Variants in PRDM16 observed in about 807,000 individuals in gnomAD.
PRDM16 encodes PR/SET domain 16, also known as histone-lysine N-methyltransferase PRDM16.
Under a neutral mutation model 110.6 loss-of-function variants are expected in PRDM16, and 23 were observed. The ratio of observed to expected loss-of-function variants is 0.21; its 90% CI spans 0.15 to 0.29. The LOEUF is 0.29. Among genes scored for constraint, PRDM16 ranks in the 10% least tolerant of loss-of-function variants. PRDM16 has a pLI of 1.00. For synonymous variants in PRDM16, 799 were observed against 781.8 expected, an observed-to-expected ratio of 1.02 and a Z score of -0.37; for missense variants, 1,615 against 1,794.3, an observed-to-expected ratio of 0.90 and a Z score of 1.81.
At chr1:3,269,164 A>T (rs1366605075) in intron 3 of PRDM16, among the ~76,000 whole-genome samples, 1 of 152,268 alleles carries the variant, frequency 6.6e-6, no homozygotes, top group Non-Finnish European at 1.5e-5. Context: ...TGGGCTTCTC[A>T]GGACCGAGGC....
chr1:3,418,864 G>A lies in PRDM16; in HGVS notation c.2939+120G>A, dbSNP rs1054427564. On this transcript the variant is annotated intron_variant, in intron 12 of 16. Coordinates refer to ENST00000270722, the MANE Select transcript of PRDM16 (RefSeq NM_022114.4). ...CCCTGCTGGAGTGAGCAGGCAGTGG[G>A]CAGGGCCGGGTGCTGAATTCTGGTC... The A allele has an allele frequency of 1.5e-5, 11 of 757,316 alleles. No individual in the cohort carries two copies. The South Asian group carries it at 1.6e-4, about 11-fold the overall frequency. 46.9% of individuals were successfully genotyped at this position (757,316 alleles called of 1,614,324 possible). A position where few individuals can be genotyped will look rare whatever the true frequency, so the allele number is the denominator to read the frequency against.
intron 4 of PRDM16, among the ~76,000 whole-genome samples, chr1:3,394,046 T>TCCC (rs1009205703): frequency 2.2e-4 from 32 of 148,378 alleles, no homozygotes; most frequent in African/African-American, 7.0e-4. Context: ...GAGGGGAGGG[T>TCCC]CCCCCGGCAA....
Position 3,391,997 on chromosome 1 carries a change from C to T in PRDM16, c.574-4494C>T, listed in dbSNP as rs368859389. On this transcript the variant is annotated intron_variant, in intron 4 of 16. Coordinates refer to ENST00000270722, the MANE Select transcript of PRDM16 (RefSeq NM_022114.4). ...GGGATCATCACAGCGCTTTCCCACA[C>T]TCACAGCGTGTGGAGACAGCAAGGA... 3.7e-4 allele frequency among the ~76,000 whole-genome samples: 56 copies of T among 152,374 alleles called. 2 individuals are homozygous for T. The East Asian group carries it at 9.4e-3, about 26-fold the overall frequency.
intron 1 of PRDM16, among the ~76,000 whole-genome samples, chr1:3,153,898 A>G (rs572676069): frequency 2.0e-5 from 3 of 152,374 alleles, no homozygotes; most frequent in East Asian, 3.9e-4. Flanking sequence ...TAATACGTGC[A>G]TATCTACGTA....
At chr1:3,342,837 T>C (rs1642298012) in intron 3 of PRDM16, among the ~76,000 whole-genome samples, 1 of 152,244 alleles carries the variant, frequency 6.6e-6, no homozygotes, top group Non-Finnish European at 1.5e-5. Context: ...TCTTTTATTC[T>C]GTATGGCAGT....
intron 3 of PRDM16, among the ~76,000 whole-genome samples, chr1:3,295,189 C>T (rs4648470): frequency 0.42 from 63,647 of 152,136 alleles, 14,605 homozygotes; most frequent in Admixed American, 0.52. Context: ...GCTCACAGAA[C>T]GAGGAGCCAG....
intron 1 of PRDM16, among the ~76,000 whole-genome samples, chr1:3,114,636 A>G (rs1167158319): frequency 3.3e-5 from 5 of 151,700 alleles, no homozygotes; most frequent in Admixed American, 2.0e-4. Context: ...ACACACACAT[A>G]TGTGCAAGCA....
At position 3,145,098 on chromosome 1, in the gene PRDM16, G is replaced by GC. The variant is rs1643620767; in HGVS notation, c.38-41026dup. ...TGGAGCCAGCCCAAGTAGGCCCCACGCAGGGGCTGACCTGGCAGGTGATCG... is the reference window on the plus strand; with the variant it reads ...TGGAGCCAGCCCAAGTAGGCCCCACGCCAGGGGCTGACCTGGCAGGTGATCG... On this transcript the variant is annotated intron_variant, in intron 1 of 16. Transcript: ENST00000270722. Among the ~76,000 whole-genome samples, 10 of 152,304 alleles carry GC rather than the reference G, an allele frequency of 6.6e-5. No individual in the cohort carries two copies. In the South Asian group the frequency reaches 1.9e-3, roughly 28 times the overall value.
intron 3 of PRDM16, among the ~76,000 whole-genome samples, chr1:3,260,271 C>G (rs991346691): frequency 6.6e-6 from 1 of 152,334 alleles, no homozygotes; most frequent in East Asian, 1.9e-4. Context: ...TTACTCAGCT[C>G]TAACCCCACA....
Position 3,107,374 on chromosome 1 carries a change from C to T in PRDM16, c.37+38078C>T, listed in dbSNP as rs570256958. Among the ~76,000 whole-genome samples, 12 of 152,218 alleles carry T rather than the reference C, an allele frequency of 7.9e-5. No homozygotes were observed. The South Asian group carries it at 2.5e-3, about 32-fold the overall frequency. On this transcript the variant is annotated intron_variant, in intron 1 of 16. Transcript: ENST00000270722. ...GGCCGGGGGAGCCATTGATTTTGTG[C>T]CCAGGTGGTTTACAGTGTGAAGCTT...
At chr1:3,409,720 G>A (rs1643637884) in intron 8 of PRDM16, among the ~76,000 whole-genome samples, 1 of 148,498 alleles carries the variant, frequency 6.7e-6, no homozygotes, top group South Asian at 2.2e-4. Flanking sequence ...TGTGGTTTGT[G>A]TGGTGTGTGT....
chr1:3,414,425 C>T (rs1643745106), intron 9 of PRDM16, 135 bp from the exon 10 acceptor site: 2 of 665,822 alleles, frequency 3.0e-6, no homozygotes, highest in East Asian at 2.7e-5. Flanking sequence ...GTTGGGGCAG[C>T]CACGGCGAGG....
intron 6 of PRDM16, among the ~76,000 whole-genome samples, chr1:3,403,723 C>G (rs150091956): frequency 6.6e-6 from 1 of 152,224 alleles, no homozygotes; most frequent in Non-Finnish European, 1.5e-5. Flanking sequence ...CCAGGACATT[C>G]AGTCCAGTGC....
At chr1:3,376,715 C>G (rs559277115) in intron 3 of PRDM16, among the ~76,000 whole-genome samples, 2 of 152,264 alleles carry the variant, frequency 1.3e-5, no homozygotes, top group African/African-American at 2.4e-5. Flanking sequence ...CTCTCTCTCT[C>G]TCTCCCCTCA....
chr1:3,226,966 G>A (rs1639302642), intron 2 of PRDM16, among the ~76,000 whole-genome samples: 1 of 152,242 alleles, frequency 6.6e-6, no homozygotes, highest in South Asian at 2.1e-4. Flanking sequence ...AATTGGATTG[G>A]TTAATGTTAG....
intron 3 of PRDM16, among the ~76,000 whole-genome samples, chr1:3,340,630 A>G (rs191742854): frequency 1.4e-4 from 22 of 152,302 alleles, no homozygotes; most frequent in Admixed American, 1.2e-3. Context: ...GAGCCGGGAC[A>G]CTCAATAAGC....
chr1:3,250,920 C>T (rs1289794869), intron 3 of PRDM16, among the ~76,000 whole-genome samples: 1 of 152,112 alleles, frequency 6.6e-6, no homozygotes, highest in Non-Finnish European at 1.5e-5. Flanking sequence ...AACTGGGAGG[C>T]AGGGCAGGGG....
intron 6 of PRDM16, among the ~76,000 whole-genome samples, chr1:3,404,327 G>C (rs1557655724): frequency 6.6e-6 from 1 of 152,196 alleles, no homozygotes; most frequent in East Asian, 1.9e-4. Context: ...CACTCAGAGG[G>C]GCATCCTTGG....
rs536384353 is a variant in PRDM16, at chr1:3,109,976, G to A, written c.37+40680G>A. Reference sequence around the variant, plus strand: ...CCTATGTCCTGGGTGTGGGGACACAGTGTCTGTGCCTCCCCCGTGTCCTGG... The same window carrying A: ...CCTATGTCCTGGGTGTGGGGACACAATGTCTGTGCCTCCCCCGTGTCCTGG... On this transcript the variant is annotated intron_variant, in intron 1 of 16. Transcript: ENST00000270722. Among the ~76,000 whole-genome samples, 61 of 151,274 alleles carry A rather than the reference G, an allele frequency of 4.0e-4. 1 individual carries two copies. The highest frequency in any genetic ancestry group is 1.3e-3 in the African/African-American group (55 of 41,240).
Sources: gnomAD v4.1 joint callset for allele counts (sites outside exome capture counted in the v4.1 genomes callset) on GRCh38, gnomAD v4.1.1 for gene constraint, MANE v1.5 for transcripts, NCBI Gene and HGNC (gene_info 2026-07-23, HGNC 2026-07-21) for gene names.